ZNF475: variants seen among roughly 807,000 people sequenced by gnomAD.
The protein encoded by ZNF475 is zinc finger protein 475.
the ZNF475 span, among the ~76,000 whole-genome samples, chr5:122,174,334 C>G: frequency 6.6e-6 from 1 of 152,178 alleles, no homozygotes; most frequent in Non-Finnish European, 1.5e-5. Context: ...GCTCAGCTTT[C>G]CCTGGAAGTT....
At chr5:122,175,331 A>G in the ZNF475 span, among the ~76,000 whole-genome samples, 1 of 152,204 alleles carries the variant, frequency 6.6e-6, no homozygotes, top group African/African-American at 2.4e-5. Context: ...GGCTGATTCT[A>G]AGACATACAC....
chr5:122,175,265 T>C, the ZNF475 span, among the ~76,000 whole-genome samples: 1 of 152,230 alleles, frequency 6.6e-6, no homozygotes, highest in Non-Finnish European at 1.5e-5. Flanking sequence ...TGTTTCCTTC[T>C]GGTTTTGATA....
At chr5:122,181,927 T>C in the ZNF475 span, among the ~76,000 whole-genome samples, 1 of 152,298 alleles carries the variant, frequency 6.6e-6, no homozygotes, top group East Asian at 1.9e-4. Flanking sequence ...TCCACTTTGA[T>C]TACTTAAAGA....
At chr5:122,172,991 C>T in the ZNF475 span, among the ~76,000 whole-genome samples, 1 of 151,904 alleles carries the variant, frequency 6.6e-6, no homozygotes, top group Admixed American at 6.6e-5. Context: ...CAAGATCGCG[C>T]CACTGCACTC....
At chr5:122,182,556 G>T in the ZNF475 span, 1 of 1,535,152 alleles carries the variant, frequency 6.5e-7, no homozygotes, top group South Asian at 1.2e-5. Flanking sequence ...CAGCCAGTTG[G>T]TTCCCTGTAA....
chr5:122,180,045 TA>T, the ZNF475 span: 2 of 164,096 alleles, frequency 1.2e-5, no homozygotes, highest in African/African-American at 4.8e-5. Context: ...ATAAAATACT[TA>T]AAAAATAAAA....
At chr5:122,171,590 G>A in the ZNF475 span, among the ~76,000 whole-genome samples, 1 of 152,144 alleles carries the variant, frequency 6.6e-6, no homozygotes. Flanking sequence ...AATTATTAAA[G>A]TATTTGCAAA....
At chr5:122,160,905 A>G in the ZNF475 span, among the ~76,000 whole-genome samples, 1 of 152,198 alleles carries the variant, frequency 6.6e-6, no homozygotes, top group South Asian at 2.1e-4. Flanking sequence ...GTACTTAAAA[A>G]TCCAAATTCC....
the ZNF475 span, among the ~76,000 whole-genome samples, chr5:122,176,471 GT>G: frequency 1.3e-5 from 2 of 152,104 alleles, no homozygotes; most frequent in African/African-American, 4.8e-5. Flanking sequence ...GTATTTATAA[GT>G]TTTATTTGTA....
chr5:122,175,577 C>T, the ZNF475 span, among the ~76,000 whole-genome samples: 3 of 152,190 alleles, frequency 2.0e-5, no homozygotes, highest in Non-Finnish European at 2.9e-5. Flanking sequence ...CACTATTTCC[C>T]AGAATTCAAA....
At chr5:122,167,562 T>G in the ZNF475 span, among the ~76,000 whole-genome samples, 1 of 152,242 alleles carries the variant, frequency 6.6e-6, no homozygotes, top group Non-Finnish European at 1.5e-5. Context: ...CAACGTGTAC[T>G]GCTGACTTTT....
the ZNF475 span, among the ~76,000 whole-genome samples, chr5:122,176,318 G>C: frequency 2.9e-4 from 44 of 151,960 alleles, no homozygotes; most frequent in Admixed American, 6.6e-4. Context: ...TGTGTGAATA[G>C]CTCTGAAATA....
chr5:122,171,643 G>GT, the ZNF475 span, among the ~76,000 whole-genome samples: 3 of 152,058 alleles, frequency 2.0e-5, no homozygotes, highest in East Asian at 5.8e-4. Flanking sequence ...TCAATTGACT[G>GT]TTTCACATGA....
At chr5:122,174,721 A>C in the ZNF475 span, among the ~76,000 whole-genome samples, 1 of 152,210 alleles carries the variant, frequency 6.6e-6, no homozygotes, top group Non-Finnish European at 1.5e-5. Context: ...GTCTTCATTT[A>C]TGACCCATGC....
the ZNF475 span, chr5:122,179,771 C>G: frequency 7.4e-7 from 1 of 1,348,678 alleles, no homozygotes; most frequent in African/African-American, 1.5e-5. Flanking sequence ...TAAGGGGAGA[C>G]TTTTCTCTCT....
chr5:122,165,242 T>A, the ZNF475 span, among the ~76,000 whole-genome samples: 1 of 152,230 alleles, frequency 6.6e-6, no homozygotes, highest in Non-Finnish European at 1.5e-5. Context: ...TTATCTCTGC[T>A]CACAATGGAA....
chr5:122,160,333 T>C, the ZNF475 span: 1 of 1,186,624 alleles, frequency 8.4e-7, no homozygotes, highest in South Asian at 1.3e-5. Flanking sequence ...GTATATGTAT[T>C]ACATGTGTGG....
chr5:122,167,205 G>A, the ZNF475 span, among the ~76,000 whole-genome samples: 1 of 152,320 alleles, frequency 6.6e-6, no homozygotes, highest in Middle Eastern at 3.4e-3. Context: ...TGGGTGCAGA[G>A]GAAGAGTCCT....
chr5:122,166,816 T>C, the ZNF475 span, among the ~76,000 whole-genome samples: 2 of 152,234 alleles, frequency 1.3e-5, no homozygotes, highest in African/African-American at 2.4e-5. Context: ...CATGTGTCTT[T>C]ATAGCAGCAT....
Sources: allele counts gnomAD v4.1 joint callset (sites outside exome capture counted in the v4.1 genomes callset), GRCh38; gene constraint gnomAD v4.1.1; transcripts MANE v1.5; gene names NCBI Gene and HGNC (gene_info 2026-07-23, HGNC 2026-07-21).